BPTF: variants seen among roughly 807,000 people sequenced by gnomAD.
BPTF encodes nucleosome-remodeling factor subunit BPTF.
A neutral mutation model predicts 292.5 loss-of-function variants in BPTF; 18 were observed. The ratio of observed to expected loss-of-function variants is 0.06; its 90% CI spans 0.04 to 0.09. The LOEUF (loss-of-function observed/expected upper bound fraction) is 0.09, where lower values mean the gene tolerates loss of function less well. BPTF is among the 10% of genes least tolerant of loss of function. BPTF has a pLI of 1.00. For missense variants in BPTF, 2,726 were observed against 3,498.7 expected (o/e 0.78, Z 5.57); for synonymous variants, 1,225 against 1,251.9 (o/e 0.98, Z 0.45).
intron 23 of BPTF, among the ~76,000 whole-genome samples, chr17:67,950,027 C>A (rs577407464): frequency 8.2e-6 from 1 of 121,684 alleles, no homozygotes; most frequent in Admixed American, 1.2e-4. Flanking sequence ...GCACTCCAAC[C>A]TGGGCAACAG....
At chr17:67,868,076 A>G (rs2059492410) in intron 3 of BPTF, among the ~76,000 whole-genome samples, 1 of 152,194 alleles carries the variant, frequency 6.6e-6, no homozygotes, top group Admixed American at 6.5e-5. Flanking sequence ...GATATTTTAT[A>G]CTTACTGGGT....
intron 3 of BPTF, among the ~76,000 whole-genome samples, chr17:67,868,130 CTTAT>C (rs772002069): frequency 1.2e-4 from 18 of 152,024 alleles, no homozygotes; most frequent in Admixed American, 2.6e-4. Context: ...TCAATGTCAC[CTTAT>C]TTATTTTGTT....
intron 17 of BPTF, among the ~76,000 whole-genome samples, chr17:67,930,741 C>T (rs576786961): frequency 7.9e-4 from 119 of 150,762 alleles, no homozygotes; most frequent in African/African-American, 2.8e-3. Context: ...GCCAGGAGTT[C>T]GAGAACCACC....
At position 67,969,013 on chromosome 17, in the gene BPTF, G is replaced by T. The variant is rs1444557078; in HGVS notation, c.8539+2357G>T. Among the ~76,000 whole-genome samples the T allele has an allele frequency of 1.3e-5, 2 of 150,878 alleles. 1 individual carries two copies. The highest frequency in any genetic ancestry group is 4.9e-5 in the African/African-American group (2 of 40,600). On this transcript the variant is annotated intron_variant, in intron 26 of 27. Transcript: ENST00000306378. ...ATAAAAAATAAACAAAATAAATAAA[G>T]AAGATAGGCCAGGCACAGTGGCTCA... is the stretch of plus-strand genomic sequence containing the variant.
chr17:67,949,417 A>G (rs782655762), intron 23 of BPTF, among the ~76,000 whole-genome samples: 4 of 151,894 alleles, frequency 2.6e-5, no homozygotes, highest in Non-Finnish European at 4.4e-5. Context: ...TCTACTAAAA[A>G]TACAAAAATT....
rs1407830917 is a variant in BPTF, at chr17:67,929,325, C to T, written c.5999-11C>T. 1.2e-6 allele frequency: 2 copies of T among 1,612,600 alleles called. No homozygotes were observed. The highest frequency in any genetic ancestry group is 1.7e-6 in the Non-Finnish European group (2 of 1,179,414). On this transcript the variant is annotated splice_polypyrimidine_tract_variant and intron_variant, in intron 16 of 27. Transcript: ENST00000306378. Reference sequence around the variant, plus strand: ...TGATAGTTTTTAATTATGGCTTCATCTTTTTTTAAGGCGTTGTTCAAGTAC... The same window carrying T: ...TGATAGTTTTTAATTATGGCTTCATTTTTTTTTAAGGCGTTGTTCAAGTAC...
intron 4 of BPTF, among the ~76,000 whole-genome samples, chr17:67,881,985 C>T (rs1049590426): frequency 6.7e-6 from 1 of 150,356 alleles, no homozygotes; most frequent in African/African-American, 2.5e-5. Context: ...CAGGCGCCCA[C>T]AACCACACCC....
chr17:67,944,436 G>A (rs2065638805), intron 20 of BPTF, 64 bp downstream of exon 20: 1 of 1,540,024 alleles, frequency 6.5e-7, no homozygotes. Context: ...GCTAACAGAG[G>A]CCAACAGGAG....
intron 11 of BPTF, among the ~76,000 whole-genome samples, chr17:67,915,106 C>T (rs900934562): frequency 1.3e-5 from 2 of 152,044 alleles, no homozygotes; most frequent in African/African-American, 4.8e-5. Flanking sequence ...GTTAAGAATG[C>T]CAAAGATGCA....
chr17:67,929,254 A>G (rs1392590843), intron 16 of BPTF, 82 bp from the exon 17 acceptor site: 1 of 1,554,482 alleles, frequency 6.4e-7, no homozygotes, highest in Non-Finnish European at 8.7e-7. Flanking sequence ...TGCCACACGT[A>G]GTTTCTCCTC....
intron 9 of BPTF, among the ~76,000 whole-genome samples, chr17:67,908,415 A>C (rs972436664): frequency 6.6e-6 from 1 of 151,554 alleles, no homozygotes; most frequent in African/African-American, 2.4e-5. Flanking sequence ...TCAGCCTCCC[A>C]AAGTGCTGGG....
In BPTF at chr17:67,912,210, T is replaced by C. The variant is rs2062701972; in HGVS notation, c.4326T>C (p.Asn1442=). The change falls in exon 11 of 28, where the codon AAT becomes AAC. Residue 1442 remains asparagine, a synonymous_variant. Coordinates refer to ENST00000306378, the MANE Select transcript of BPTF (RefSeq NM_182641.4). ...GTAATGTTGAACCAAAGGTTAATAA[T>C]ATAAATAAAATAATCCCTGAGAATG... ...VSGNVEPKVN[N]INKIIPENDI... 1 of 1,608,904 alleles carries C rather than the reference T, an allele frequency of 6.2e-7. No homozygotes were observed. The highest frequency in any genetic ancestry group is 1.3e-5 in the African/African-American group (1 of 74,708).
chr17:67,864,291 T>C (rs60432293), intron 2 of BPTF, among the ~76,000 whole-genome samples: 46,300 of 151,268 alleles, frequency 0.31, 8,412 homozygotes, highest in East Asian at 0.66. Flanking sequence ...TTTGGGGAGG[T>C]TGAGGCGGGC....
rs146444099 is a variant in BPTF, at chr17:67,929,418, G to A, written c.6081G>A (p.Gln2027=). 3 of 1,613,870 alleles carry A rather than the reference G, an allele frequency of 1.9e-6. No homozygotes were observed. In the African/African-American group the frequency reaches 4.0e-5, roughly 22 times the overall value. ...GTSQQTFTSF[Q]PRTATVTIRP... ...GTCAGCAAACCTTTACTTCATTCCA[G>A]CCCAGGACAGCAACAGTCACAATTA... is the stretch of plus-strand genomic sequence containing the variant. The change falls in exon 17 of 28, where the codon CAG becomes CAA. Residue 2027 remains glutamine (Q), a synonymous_variant. Coordinates refer to ENST00000306378, the MANE Select transcript of BPTF (RefSeq NM_182641.4).
In BPTF at chr17:67,825,549, C is replaced by A; in HGVS notation, c.-176C>A. 2.3e-6 allele frequency: 1 copy of A among 428,890 alleles called. No homozygotes were observed. Among genetic ancestry groups the A allele is most frequent in the South Asian group, 1.7e-5 (1 of 59,796 alleles). 26.6% of individuals were successfully genotyped at this position (428,890 alleles called of 1,614,324 possible). ...AAACAAGATGGCGGCTGAAGGCGAT[C>A]CGGAGTGGGGCCCCAGCAATTCGGA... is the stretch of plus-strand genomic sequence containing the variant. On this transcript the variant is annotated 5_prime_UTR_variant, in exon 1 of 28. Transcript: ENST00000306378.
intron 11 of BPTF, among the ~76,000 whole-genome samples, chr17:67,917,662 C>A (rs547358901): frequency 6.6e-6 from 1 of 151,564 alleles, no homozygotes; most frequent in Non-Finnish European, 1.5e-5. Flanking sequence ...GACAGAGTTT[C>A]ACTCTTGTCG....
intron 3 of BPTF, among the ~76,000 whole-genome samples, chr17:67,871,394 TCG>T (rs1365164551): frequency 7.0e-6 from 1 of 143,484 alleles, no homozygotes; most frequent in Non-Finnish European, 1.5e-5. Flanking sequence ...TGAGCCGAGA[TCG>T]TGCCACTGCC....
At chr17:67,841,604 G>A (rs2057562079) in intron 1 of BPTF, among the ~76,000 whole-genome samples, 1 of 151,968 alleles carries the variant, frequency 6.6e-6, no homozygotes. Context: ...GTTTTGCCAT[G>A]TTGCCTAGGC....
intron 2 of BPTF, among the ~76,000 whole-genome samples, chr17:67,857,849 C>T (rs1384809609): frequency 8.5e-5 from 12 of 141,482 alleles, no homozygotes; most frequent in East Asian, 2.1e-4. Context: ...TACAGTGGCG[C>T]GATCCTTGGC....
Sources: gnomAD v4.1 joint callset for allele counts (sites outside exome capture counted in the v4.1 genomes callset) on GRCh38, gnomAD v4.1.1 for gene constraint, MANE v1.5 for transcripts, NCBI Gene and HGNC (gene_info 2026-07-23, HGNC 2026-07-21) for gene names.